The following TLK1 variants were observed in gnomAD, a reference collection of about 807,000 sequenced individuals.
The protein encoded by TLK1 is serine/threonine-protein kinase tousled-like 1.
Under a neutral mutation model 105.3 loss-of-function variants are expected in TLK1, and 24 were observed. The ratio of observed to expected loss-of-function variants is 0.23; its 90% CI spans 0.17 to 0.32. The LOEUF (loss-of-function observed/expected upper bound fraction) is 0.32. Ranked by LOEUF, TLK1 falls within the 10% of genes least tolerant of loss-of-function variation. The probability of loss-of-function intolerance (pLI) is 1.00; values close to 1 mark genes in which losing one functional copy is unlikely to be tolerated. For missense variants in TLK1, 558 were observed against 910.5 expected (o/e 0.61, Z 4.98); for synonymous variants, 321 against 310.4 (o/e 1.03, Z -0.36).
At chr2:171,134,724 CCTT>C (rs1350436084) in intron 1 of TLK1, among the ~76,000 whole-genome samples, 2 of 135,050 alleles carry the variant, frequency 1.5e-5, no homozygotes, top group Non-Finnish European at 3.1e-5. Flanking sequence ...TACTATTTGG[CCTT>C]TTTTTTTTTT....
chr2:171,143,972 C>T (rs116698216), intron 1 of TLK1, among the ~76,000 whole-genome samples: 2,519 of 152,178 alleles, frequency 0.017, 32 homozygotes, highest in Non-Finnish European at 0.028. Context: ...TTCAAAAATA[C>T]AAACGGGACA....
intron 14 of TLK1, among the ~76,000 whole-genome samples, chr2:171,009,407 C>G (rs1289501577): frequency 1.0e-4 from 15 of 145,084 alleles, no homozygotes; most frequent in Non-Finnish European, 1.2e-4. Flanking sequence ...AAGGTTCAAG[C>G]GATTATCATG....
rs778610348 is a variant in TLK1, at chr2:170,993,220, T to C, written c.*560A>G. On this transcript the variant is annotated 3_prime_UTR_variant, in exon 21 of 21. Transcript: ENST00000431350. ...AATAGGCAAATGACAAAGCCTAACTTTGTCCAAAGATTCTAACTCTCACAT... is the reference window on the plus strand; with the variant it reads ...AATAGGCAAATGACAAAGCCTAACTCTGTCCAAAGATTCTAACTCTCACAT... 6.6e-6 allele frequency: 1 copy of C among 152,622 alleles called. No homozygotes were observed. Among genetic ancestry groups the C allele is most frequent in the Admixed American group, 6.5e-5 (1 of 15,274 alleles). 9.5% of individuals were successfully genotyped at this position (152,622 alleles called of 1,614,324 possible). A position where few individuals can be genotyped will look rare whatever the true frequency, so the allele number is the denominator to read the frequency against.
intron 1 of TLK1, among the ~76,000 whole-genome samples, chr2:171,122,513 T>G (rs1235258803): frequency 6.6e-6 from 1 of 152,202 alleles, no homozygotes; most frequent in Admixed American, 6.5e-5. Flanking sequence ...TATACATTCA[T>G]GTTTCAGAAG....
At chr2:171,041,672 TC>T (rs1338232095) in intron 11 of TLK1, among the ~76,000 whole-genome samples, 1 of 152,050 alleles carries the variant, frequency 6.6e-6, no homozygotes, top group Admixed American at 6.6e-5. Flanking sequence ...CCCAAAGCCA[TC>T]CCCCAGCCCC....
At chr2:171,076,867 TG>T (rs1377739632) in intron 3 of TLK1, among the ~76,000 whole-genome samples, 1 of 151,676 alleles carries the variant, frequency 6.6e-6, no homozygotes, top group Admixed American at 6.6e-5. Flanking sequence ...TGAGCCGAGA[TG>T]GCGCCACTGC....
At chr2:171,002,419 C>T (rs1053733313) in intron 18 of TLK1, among the ~76,000 whole-genome samples, 4 of 151,884 alleles carry the variant, frequency 2.6e-5, no homozygotes, top group African/African-American at 7.3e-5. Flanking sequence ...GGACTACAGG[C>T]GCCTGCCACC....
At chr2:171,036,449 C>T (rs2105406211) in intron 11 of TLK1, among the ~76,000 whole-genome samples, 1 of 152,272 alleles carries the variant, frequency 6.6e-6, no homozygotes, top group South Asian at 2.1e-4. Flanking sequence ...GGCTAAACTT[C>T]ATCAAAAAGA....
chr2:171,146,570 C>T (rs1170232285), intron 1 of TLK1, among the ~76,000 whole-genome samples: 1 of 152,064 alleles, frequency 6.6e-6, no homozygotes, highest in Non-Finnish European at 1.5e-5. Context: ...GAATTAACAT[C>T]ACTACCATAT....
At chr2:171,184,310 T>C (rs7580756) in intron 1 of TLK1, among the ~76,000 whole-genome samples, 16,581 of 152,168 alleles carry the variant, frequency 0.11, 1,378 homozygotes, top group African/African-American at 0.23. Context: ...AAAAGAAATT[T>C]ATATTGTTTA....
chr2:171,071,250 T>C (rs1362690905), intron 3 of TLK1, among the ~76,000 whole-genome samples: 4 of 152,204 alleles, frequency 2.6e-5, no homozygotes, highest in African/African-American at 9.6e-5. Flanking sequence ...GATTGTTTTC[T>C]TTGCTGTGCA....
chr2:171,145,621 T>C (rs1558966904), intron 1 of TLK1, among the ~76,000 whole-genome samples: 2 of 151,620 alleles, frequency 1.3e-5, no homozygotes, highest in Non-Finnish European at 2.9e-5. Flanking sequence ...AAATATAATG[T>C]ATGAAGAGAC....
chr2:171,152,699 A>C (rs1227876703), intron 1 of TLK1, among the ~76,000 whole-genome samples: 1 of 152,180 alleles, frequency 6.6e-6, no homozygotes, highest in East Asian at 1.9e-4. Flanking sequence ...CTTGTCCATC[A>C]GGTTATAAAG....
chr2:171,042,085 T>C (rs1452762654), intron 11 of TLK1, among the ~76,000 whole-genome samples: 2 of 152,154 alleles, frequency 1.3e-5, no homozygotes, highest in Non-Finnish European at 2.9e-5. Flanking sequence ...TAGTTTTAGG[T>C]CAACATATGT....
chr2:171,070,951 G>A (rs1688225452), intron 3 of TLK1, among the ~76,000 whole-genome samples: 1 of 152,008 alleles, frequency 6.6e-6, no homozygotes, highest in African/African-American at 2.4e-5. Context: ...CCTGCCTTCT[G>A]GATAAAAGCC....
At chr2:171,170,793 G>A (rs528498120) in intron 1 of TLK1, among the ~76,000 whole-genome samples, 1 of 152,070 alleles carries the variant, frequency 6.6e-6, no homozygotes, top group African/African-American at 2.4e-5. Context: ...TTAACACAAT[G>A]GACAAATGTC....
intron 1 of TLK1, among the ~76,000 whole-genome samples, chr2:171,185,040 C>T (rs1480998803): frequency 6.6e-6 from 1 of 152,086 alleles, no homozygotes; most frequent in Non-Finnish European, 1.5e-5. Context: ...GGGATTTCAC[C>T]ATGTTAGCCA....
rs184357666 is a variant in TLK1, at chr2:171,037,817, A to G, written c.1169+8357T>C. 5.2e-3 allele frequency among the ~76,000 whole-genome samples: 794 copies of G among 152,288 alleles called. 7 individuals carry two copies. The highest frequency in any genetic ancestry group is 0.048 in the Middle Eastern group (14 of 294). ...CAAGTGAGATTTGCCTGTAACTGTC[A>G]TTCTTGTACAATCTTTGTTGAGTTT... On this transcript the variant is annotated intron_variant, in intron 11 of 20. Transcript: ENST00000431350.
At chr2:171,231,291 T>C (rs1693990735) in exon 1 of TLK1, 1 of 152,358 alleles carries the variant, frequency 6.6e-6, no homozygotes, top group African/African-American at 2.4e-5. Flanking sequence ...CATTCCTCAG[T>C]GTGCCTTCTC....
Sources: allele counts gnomAD v4.1 joint callset (sites outside exome capture counted in the v4.1 genomes callset), GRCh38; gene constraint gnomAD v4.1.1; transcripts MANE v1.5; gene names NCBI Gene and HGNC (gene_info 2026-07-23, HGNC 2026-07-21).